ZFHX3: variants seen among roughly 807,000 people sequenced by gnomAD.
The protein encoded by ZFHX3 is zinc finger homeobox 3, also known as zinc finger homeobox protein 3.
In ZFHX3, 42 loss-of-function variants were observed where a neutral mutation model predicts 279.1. That is an observed-to-expected ratio of 0.15 (90% CI 0.12 to 0.19). The LOEUF is 0.19. Among genes scored for constraint, ZFHX3 ranks in the 10% least tolerant of loss-of-function variants. The probability of loss-of-function intolerance (pLI) is 1.00; values close to 1 mark genes in which losing one functional copy is unlikely to be tolerated. For missense variants in ZFHX3, 4,981 were observed against 4,754.0 expected (o/e 1.05, Z -1.40); for synonymous variants, 2,293 against 1,957.8 (o/e 1.17, Z -4.52).
At position 73,474,633 on chromosome 16, in the gene ZFHX3, C is replaced by A. The variant is rs546184783; in HGVS notation, c.-1546-18375G>T. The stretch of plus-strand genomic sequence containing the variant: ...TCAGCCCCCTGAGTTTTCTTTAGTC[C>A]CCTCTTACAAGCAGATGCTCCTCTG... On this transcript the variant is annotated intron_variant, in intron 2 of 17. Transcript: ENST00000641206. 3.7e-4 allele frequency among the ~76,000 whole-genome samples: 57 copies of A among 152,180 alleles called. 1 individual carries two copies. Among genetic ancestry groups the A allele is most frequent in the Non-Finnish European group, 7.8e-4 (53 of 68,012 alleles).
intron 4 of ZFHX3, among the ~76,000 whole-genome samples, chr16:73,303,379 G>C (rs143438031): frequency 6.6e-6 from 1 of 152,252 alleles, no homozygotes; most frequent in African/African-American, 2.4e-5. Flanking sequence ...AATATAATGA[G>C]AGAAGGCTCA....
chr16:73,265,319 T>A (rs957611648), intron 4 of ZFHX3, among the ~76,000 whole-genome samples: 2 of 152,060 alleles, frequency 1.3e-5, no homozygotes, highest in African/African-American at 4.8e-5. Context: ...GGAGGAGCCA[T>A]GCTGATGGGA....
intron 3 of ZFHX3, among the ~76,000 whole-genome samples, chr16:73,369,650 A>T (rs551047445): frequency 6.6e-6 from 1 of 152,320 alleles, no homozygotes; most frequent in African/African-American, 2.4e-5. Flanking sequence ...ACCATGCACC[A>T]GGACCACCTG....
intron 3 of ZFHX3, among the ~76,000 whole-genome samples, chr16:72,942,969 A>T (rs191504567): frequency 2.0e-3 from 307 of 152,348 alleles, no homozygotes; most frequent in Middle Eastern, 0.014. Flanking sequence ...AAAGAGAGCC[A>T]GGCCTTTCCA....
chr16:73,798,913 C>T (rs1315625583), intron 1 of ZFHX3, among the ~76,000 whole-genome samples: 3 of 152,192 alleles, frequency 2.0e-5, no homozygotes, highest in Non-Finnish European at 2.9e-5. Context: ...TATACAAATT[C>T]TTTGGCTTCT....
At chr16:73,373,301 C>T (rs974957978) in intron 3 of ZFHX3, among the ~76,000 whole-genome samples, 7 of 152,166 alleles carry the variant, frequency 4.6e-5, no homozygotes, top group African/African-American at 1.7e-4. Flanking sequence ...GCTCTCAGGT[C>T]AGGAATTTTG....
At chr16:72,953,596 T>C (rs750117473) in intron 2 of ZFHX3, among the ~76,000 whole-genome samples, 1 of 151,758 alleles carries the variant, frequency 6.6e-6, no homozygotes, top group Non-Finnish European at 1.5e-5. Context: ...GTTTCCACTT[T>C]AAGCTCTTTT....
intron 4 of ZFHX3, among the ~76,000 whole-genome samples, chr16:73,267,462 C>T (rs949867924): frequency 4.6e-5 from 7 of 152,116 alleles, no homozygotes; most frequent in Admixed American, 3.3e-4. Flanking sequence ...GATGACTAAC[C>T]AGGCTCAGAT....
At chr16:73,883,179 C>G (rs1398889447) in intron 1 of ZFHX3, among the ~76,000 whole-genome samples, 1 of 151,902 alleles carries the variant, frequency 6.6e-6, no homozygotes, top group Non-Finnish European at 1.5e-5. Context: ...CTTTTTAGAA[C>G]ATCAAGAAAA....
intron 5 of ZFHX3, among the ~76,000 whole-genome samples, chr16:73,246,619 A>G (rs2013288133): frequency 6.6e-6 from 1 of 152,066 alleles, no homozygotes. Context: ...GTTCATCTAT[A>G]TGTATTTAAA....
chr16:72,907,073 A>G (rs2039195044), intron 3 of ZFHX3, among the ~76,000 whole-genome samples: 1 of 152,220 alleles, frequency 6.6e-6, no homozygotes, highest in Non-Finnish European at 1.5e-5. Context: ...ACCAGTGGGC[A>G]AGTGATGTCT....
chr16:72,789,463 G>A (rs1382866800), intron 9 of ZFHX3: 1 of 152,234 alleles, frequency 6.6e-6, no homozygotes, highest in Admixed American at 6.5e-5. Flanking sequence ...GTATGGCCAC[G>A]AGGTCCCCAG....
intron 5 of ZFHX3, among the ~76,000 whole-genome samples, chr16:72,818,082 A>C (rs968164136): frequency 1.8e-4 from 27 of 152,238 alleles, no homozygotes; most frequent in Non-Finnish European, 1.3e-4. Flanking sequence ...TGACTAGCGA[A>C]AAAAGAAATT....
Position 72,794,162 on chromosome 16 carries a change from T to A in ZFHX3, c.8520A>T (p.Thr2840=). The A allele has an allele frequency of 6.2e-7, 1 of 1,614,218 alleles. No individual in the cohort carries two copies. The highest frequency in any genetic ancestry group is 8.5e-7 in the Non-Finnish European group (1 of 1,180,046). The part of the protein sequence containing the change: ...LDNDDCSSVN[T]AITDTTTGDE... The stretch of plus-strand genomic sequence containing the variant: ...CTCCAGTTGTGGTATCTGTGATTGC[T>A]GTGTTGACAGAGGAACAGTCATCGT... Residue 2840 remains threonine (T), a synonymous_variant, in exon 9 of 10, where the codon ACA becomes ACT. Transcript: ENST00000268489. The surrounding 1 kb of genome is among the most constrained non-coding windows in gnomAD (Gnocchi z 4.2).
chr16:73,304,458 G>C (rs557972184), intron 4 of ZFHX3, among the ~76,000 whole-genome samples: 1 of 152,250 alleles, frequency 6.6e-6, no homozygotes, highest in East Asian at 1.9e-4. Flanking sequence ...CAGAGAGGCA[G>C]GGTTGTCTGC....
intron 1 of ZFHX3, among the ~76,000 whole-genome samples, chr16:73,692,996 C>A (rs954570457): frequency 6.6e-6 from 1 of 152,132 alleles, no homozygotes; most frequent in Non-Finnish European, 1.5e-5. Context: ...AAAATAGGAT[C>A]GCAGATGAAT....
At chr16:73,196,964 T>C (rs1968161720) in intron 5 of ZFHX3, among the ~76,000 whole-genome samples, 1 of 152,110 alleles carries the variant, frequency 6.6e-6, no homozygotes, top group African/African-American at 2.4e-5. Context: ...ACCCCTAGTG[T>C]TTCCTGTTGG....
intron 1 of ZFHX3, among the ~76,000 whole-genome samples, chr16:73,688,955 G>A (rs1275978219): frequency 2.6e-5 from 4 of 152,172 alleles, no homozygotes; most frequent in Non-Finnish European, 5.9e-5. Context: ...CCCCAGCCAT[G>A]TGGAACTGTG....
intron 1 of ZFHX3, among the ~76,000 whole-genome samples, chr16:73,822,147 A>G (rs976481310): frequency 6.6e-6 from 1 of 152,184 alleles, no homozygotes; most frequent in African/African-American, 2.4e-5. Flanking sequence ...GCTGGATCCA[A>G]TGCCAGCCCA....
Sources: allele counts gnomAD v4.1 joint callset (sites outside exome capture counted in the v4.1 genomes callset), GRCh38; gene constraint gnomAD v4.1.1; non-coding constraint Gnocchi (gnomAD v3.1); transcripts MANE v1.5; gene names NCBI Gene and HGNC (gene_info 2026-07-23, HGNC 2026-07-21).